C19orf85: variants seen among roughly 807,000 people sequenced by gnomAD.
The protein encoded by C19orf85 is chromosome 19 open reading frame 85, also known as uncharacterized protein C19orf85.
intron 1 of C19orf85, 43 bp downstream of exon 1, chr19:55,464,339 C>G (rs1986320476): frequency 2.5e-6 from 1 of 398,658 alleles, no homozygotes; most frequent in East Asian, 3.6e-5. Context: ...GCTCCTTCCC[C>G]TCTTCCCCGT....
At chr19:55,464,315 C>G in intron 1 of C19orf85, 67 bp downstream of exon 1, 1 of 398,444 alleles carries the variant, frequency 2.5e-6, no homozygotes, top group Non-Finnish European at 4.4e-6. Flanking sequence ...CTCCCCCAGC[C>G]AAGGGTGCTG....
At position 55,464,602 on chromosome 19, in the gene C19orf85, A is replaced by G. The variant is rs947371248; in HGVS notation, c.-48T>C. The G allele has an allele frequency of 7.5e-6, 3 of 397,816 alleles. No homozygotes were observed. The highest frequency in any genetic ancestry group is 1.3e-5 in the Non-Finnish European group (3 of 225,794). The allele number at this position is 397,816 out of a possible 1,614,324, so 24.6% of individuals were successfully genotyped here. ...TCCCCACAATATTGCTGACCAAAGC[A>G]CCCCCCAAATCTGTGAGCAGGGAGG... On this transcript the variant is annotated 5_prime_UTR_variant, in exon 1 of 2. Coordinates refer to ENST00000635964, the MANE Select transcript of C19orf85 (RefSeq NM_001386794.1).
chr19:55,464,507 G>A lies in C19orf85; in HGVS notation c.48C>T (p.Pro16=), dbSNP rs2123395802. ...PEGPGVSEPG[P]RELCAFVSGA... ...CGCTCACAAAGGCACACAGCTCCCG[G>A]GGGCCGGGCTCGGAGACCCCAGGGC... The change falls in exon 1 of 2, where the codon CCC becomes CCT. Residue 16 remains proline (P), a synonymous_variant. Coordinates refer to ENST00000635964, the MANE Select transcript of C19orf85 (RefSeq NM_001386794.1). 3 of 398,418 alleles carry A rather than the reference G, an allele frequency of 7.5e-6. No individual in the cohort carries two copies. The East Asian group carries it at 1.1e-4, about 14-fold the overall frequency. The allele number at this position is 398,418 out of a possible 1,614,324, so 24.7% of individuals were successfully genotyped here. A position where few individuals can be genotyped will look rare whatever the true frequency, so the allele number is the denominator to read the frequency against.
Position 55,464,715 on chromosome 19 carries a change from C to T in C19orf85, c.-161G>A, listed in dbSNP as rs564732300. On this transcript the variant is annotated 5_prime_UTR_variant, in exon 1 of 2. Transcript: ENST00000635964. ...CCAAGGCCTCCCCACTGTGCCCTAA[C>T]CCTGTCCCCACCTCCCAGGAGCCCG... 3.8e-4 allele frequency: 150 copies of T among 396,610 alleles called. No homozygotes were observed. Among genetic ancestry groups the T allele is most frequent in the Admixed American group, 2.7e-3 (61 of 22,684 alleles). The allele number at this position is 396,610 out of a possible 1,614,324, so 24.6% of individuals were successfully genotyped here. A position where few individuals can be genotyped will look rare whatever the true frequency, so the allele number is the denominator to read the frequency against.
chr19:55,463,952 A>G lies in C19orf85; in HGVS notation c.189T>C (p.Ile63=), dbSNP rs1400093367. Reference sequence around the variant, plus strand: ...GGGCCAGGCGCTGGGTGGCAGCCTCAATCTTGGTGAACTGCCTGTAAAGAC... The same window carrying G: ...GGGCCAGGCGCTGGGTGGCAGCCTCGATCTTGGTGAACTGCCTGTAAAGAC... ...HNQICRQFTK[I]EAATQRLALS... The change falls in exon 2 of 2, where the codon ATT becomes ATC. Residue 63 remains isoleucine (I), a synonymous_variant. Transcript: ENST00000635964. The surrounding 1 kb of genome is among the most constrained non-coding windows in gnomAD (Gnocchi z 4.9). 3 of 398,626 alleles carry G rather than the reference A, an allele frequency of 7.5e-6. No individual in the cohort carries two copies. The highest frequency in any genetic ancestry group is 1.3e-5 in the Non-Finnish European group (3 of 226,136). 24.7% of individuals were successfully genotyped at this position (398,626 alleles called of 1,614,324 possible). A position where few individuals can be genotyped will look rare whatever the true frequency, so the allele number is the denominator to read the frequency against.
Position 55,463,805 on chromosome 19 carries a change from G to A in C19orf85, c.336C>T (p.Ala112=), listed in dbSNP as rs973279435. The A allele has an allele frequency of 3.8e-5, 15 of 398,862 alleles. No homozygotes were observed. 24.7% of individuals were successfully genotyped at this position (398,862 alleles called of 1,614,324 possible). A position where few individuals can be genotyped will look rare whatever the true frequency, so the allele number is the denominator to read the frequency against. ...CAVAPTEAPH[A]SASLSLAALD... is the part of the protein sequence containing the mutation. ...GGGCAGCGAGACTCAGGCTGGCGCT[G>A]GCATGGGGAGCCTCAGTGGGGGCCA... The change falls in exon 2 of 2, where the codon GCC becomes GCT. Residue 112 remains alanine (A), a synonymous_variant. Coordinates refer to ENST00000635964, the MANE Select transcript of C19orf85 (RefSeq NM_001386794.1). This position sits in a 1 kb window ranked among gnomAD's most constrained non-coding sequence, Gnocchi z 4.9.
chr19:55,464,678 C>T lies in C19orf85; in HGVS notation c.-124G>A, dbSNP rs1986329689. On this transcript the variant is annotated 5_prime_UTR_variant, in exon 1 of 2. Coordinates refer to ENST00000635964, the MANE Select transcript of C19orf85 (RefSeq NM_001386794.1). ...ACCCCGGGCTGGGGAGGAGGCAGGG[C>T]TGGGAATTGGGCCAAGGCCTCCCCA... 1 of 397,018 alleles carries T rather than the reference C, an allele frequency of 2.5e-6. No homozygotes were observed. The highest frequency in any genetic ancestry group is 4.4e-6 in the Non-Finnish European group (1 of 225,546). The allele number at this position is 397,018 out of a possible 1,614,324, so 24.6% of individuals were successfully genotyped here. A position where few individuals can be genotyped will look rare whatever the true frequency, so the allele number is the denominator to read the frequency against.
At chr19:55,464,182 C>T (rs1004759492) in intron 1 of C19orf85, among the ~76,000 whole-genome samples, 200 bp downstream of exon 1, 5 of 152,192 alleles carry the variant, frequency 3.3e-5, no homozygotes, top group South Asian at 2.1e-4. Flanking sequence ...ACAACCTCCA[C>T]GACAGCAAGG....
Position 55,464,723 on chromosome 19 carries a change from C to G in C19orf85, c.-169G>C, listed in dbSNP as rs1336739433. The G allele has an allele frequency of 5.0e-6, 2 of 396,308 alleles. No homozygotes were observed. Among genetic ancestry groups the G allele is most frequent in the Admixed American group, 4.4e-5 (1 of 22,666 alleles). 24.5% of individuals were successfully genotyped at this position (396,308 alleles called of 1,614,324 possible). ...TCCCCACTGTGCCCTAACCCTGTCC[C>G]CACCTCCCAGGAGCCCGACCTGAAG... On this transcript the variant is annotated 5_prime_UTR_variant, in exon 1 of 2. Transcript: ENST00000635964.
Position 55,463,988 on chromosome 19 carries a change from A to T in C19orf85, c.174-21T>A. 2 of 398,236 alleles carry T rather than the reference A, an allele frequency of 5.0e-6. No individual in the cohort carries two copies. Among genetic ancestry groups the T allele is most frequent in the Non-Finnish European group, 8.8e-6 (2 of 226,156 alleles). 24.7% of individuals were successfully genotyped at this position (398,236 alleles called of 1,614,324 possible). Reference sequence around the variant, plus strand: ...ACTGCCTGTAAAGACAGATGTGAGCAGGCTGGTCTCTAACGCCTGAACTCA... The same window carrying T: ...ACTGCCTGTAAAGACAGATGTGAGCTGGCTGGTCTCTAACGCCTGAACTCA... On this transcript the variant is annotated intron_variant, in intron 1 of 1. Transcript: ENST00000635964. The surrounding 1 kb of genome is among the most constrained non-coding windows in gnomAD (Gnocchi z 4.9).
chr19:55,464,143 T>C (rs1986317347), intron 1 of C19orf85, among the ~76,000 whole-genome samples, 176 bp from the exon 2 acceptor site: 2 of 152,172 alleles, frequency 1.3e-5, no homozygotes, highest in South Asian at 2.1e-4. Context: ...TTTTGGTGAT[T>C]CCTGACCGTC....
chr19:55,463,455 C>T lies in C19orf85; in HGVS notation c.*17G>A, dbSNP rs1039234086. The T allele has an allele frequency of 2.5e-5, 10 of 398,252 alleles. No individual in the cohort carries two copies. The highest frequency in any genetic ancestry group is 8.8e-5 in the Admixed American group (2 of 22,672). 24.7% of individuals were successfully genotyped at this position (398,252 alleles called of 1,614,324 possible). On this transcript the variant is annotated 3_prime_UTR_variant, in exon 2 of 2. Transcript: ENST00000635964. This position sits in a 1 kb window ranked among gnomAD's most constrained non-coding sequence, Gnocchi z 4.9. ...CCTCTGGCTTGTCCTGGGTTCTGGGCTGGGTTGTGATTGGCCTCATGGGGA... is the reference window on the plus strand; with the variant it reads ...CCTCTGGCTTGTCCTGGGTTCTGGGTTGGGTTGTGATTGGCCTCATGGGGA...
chr19:55,463,673 C>T lies in C19orf85; in HGVS notation c.468G>A (p.Pro156=), dbSNP rs900750776. Residue 156 remains proline, a synonymous_variant, in exon 2 of 2, where the codon CCG becomes CCA. Transcript: ENST00000635964. The surrounding 1 kb of genome is among the most constrained non-coding windows in gnomAD (Gnocchi z 4.9). The part of the protein sequence containing the change: ...SSGSDAPLPA[P]GLSHRDLGQL... ...GGCCCAGGTCGCGATGGGACAGACC[C>T]GGCGCTGGCAGGGGAGCATCAGAAC... 9 of 398,680 alleles carry T rather than the reference C, an allele frequency of 2.3e-5. No individual in the cohort carries two copies. The highest frequency in any genetic ancestry group is 1.3e-4 in the Admixed American group (3 of 22,704). 24.7% of individuals were successfully genotyped at this position (398,680 alleles called of 1,614,324 possible).
In C19orf85 at chr19:55,463,477, G is replaced by A. The variant is rs917324669; in HGVS notation, c.664C>T (p.Pro222Ser). The A allele has an allele frequency of 2.5e-5, 10 of 398,386 alleles. No individual in the cohort carries two copies. In the Admixed American group the frequency reaches 3.5e-4, roughly 14 times the overall value. 24.7% of individuals were successfully genotyped at this position (398,386 alleles called of 1,614,324 possible). The change falls in exon 2 of 2, where the codon CCA becomes TCA. Residue 222 changes from proline to serine, a missense_variant. Transcript: ENST00000635964. The surrounding 1 kb of genome is among the most constrained non-coding windows in gnomAD (Gnocchi z 4.9). ...GIPEGWGTSSP is the reference protein window; with the variant it reads ...GIPEGWGTSSS ...GGGCTGGGTTGTGATTGGCCTCATG[G>A]GGAGCTGGTCCCCCAACCCTCGGGG...
chr19:55,463,630 C>G lies in C19orf85; in HGVS notation c.511G>C (p.Val171Leu), dbSNP rs1986304829. The G allele has an allele frequency of 2.5e-6, 1 of 398,562 alleles. No homozygotes were observed. The highest frequency in any genetic ancestry group is 1.3e-4 in the South Asian group (1 of 7,864). The allele number at this position is 398,562 out of a possible 1,614,324, so 24.7% of individuals were successfully genotyped here. A position where few individuals can be genotyped will look rare whatever the true frequency, so the allele number is the denominator to read the frequency against. Reference protein sequence around the residue: ...RDLGQLDLRQVPHFCGPLPLP... With the variant: ...RDLGQLDLRQLPHFCGPLPLP... The stretch of plus-strand genomic sequence containing the variant: ...GGCAGGGGGCCGCAGAAATGTGGGA[C>G]CTGCCTCAGGTCCAGCTGGCCCAGG... Residue 171 changes from valine to leucine, a missense_variant, in exon 2 of 2, where the codon GTC becomes CTC. Val to Leu is a conservative substitution (Grantham distance 32). Transcript: ENST00000635964. The surrounding 1 kb of genome is among the most constrained non-coding windows in gnomAD (Gnocchi z 4.9).
In C19orf85 at chr19:55,463,072, T is replaced by A; in HGVS notation, c.*400A>T. ...CATGCACACAGAACAGGGAGCTCCC[T>A]GAGGCAGGGGTCCCGTCTGCCTCGT... On this transcript the variant is annotated 3_prime_UTR_variant, in exon 2 of 2. Transcript: ENST00000635964. This position sits in a 1 kb window ranked among gnomAD's most constrained non-coding sequence, Gnocchi z 4.9. 5.1e-6 allele frequency: 1 copy of A among 195,624 alleles called. No homozygotes were observed. Among genetic ancestry groups the A allele is most frequent in the Non-Finnish European group, 1.0e-5 (1 of 97,454 alleles). The allele number at this position is 195,624 out of a possible 1,614,324, so 12.1% of individuals were successfully genotyped here. A position where few individuals can be genotyped will look rare whatever the true frequency, so the allele number is the denominator to read the frequency against.
Position 55,463,768 on chromosome 19 carries a change from T to C in C19orf85, c.373A>G (p.Thr125Ala), listed in dbSNP as rs1040459679. The change falls in exon 2 of 2, where the codon ACC becomes GCC. Residue 125 changes from threonine to alanine, a missense_variant. Physicochemically the swap from Thr to Ala is moderately conservative, Grantham distance 58. Transcript: ENST00000635964. This position sits in a 1 kb window ranked among gnomAD's most constrained non-coding sequence, Gnocchi z 4.9. The part of the protein sequence containing the change: ...SLSLAALDTS[T>A]LDLFDNIALT... ...GCAATGTTGTCAAAGAGGTCGAGGG[T>C]AGAGGTGTCCAGGGCAGCGAGACTC... 3 of 398,398 alleles carry C rather than the reference T, an allele frequency of 7.5e-6. No homozygotes were observed. The highest frequency in any genetic ancestry group is 6.2e-5 in the African/African-American group (3 of 48,458). The allele number at this position is 398,398 out of a possible 1,614,324, so 24.7% of individuals were successfully genotyped here.
In C19orf85 at chr19:55,464,528, AG is replaced by A. The variant is rs1427338968; in HGVS notation, c.26del (p.Pro9LeufsTer15). 7.3e-5 allele frequency: 29 copies of A among 398,244 alleles called. No homozygotes were observed. In the Admixed American group the frequency reaches 1.3e-3, roughly 18 times the overall value. The allele number at this position is 398,244 out of a possible 1,614,324, so 24.7% of individuals were successfully genotyped here. MHPGVPEG[P>X]GVSEPGPREL... Reference sequence around the variant, plus strand: ...CCCGGGGGCCGGGCTCGGAGACCCCAGGGCCTTCGGGGACCCCGGGGTGCAT... The same window carrying A: ...CCCGGGGGCCGGGCTCGGAGACCCCAGGCCTTCGGGGACCCCGGGGTGCAT... On this transcript the variant is annotated frameshift_variant, in exon 1 of 2. Coordinates refer to ENST00000635964, the MANE Select transcript of C19orf85 (RefSeq NM_001386794.1). LOFTEE classifies it high-confidence loss of function.
At chr19:55,464,230 A>G (rs967238625) in intron 1 of C19orf85, among the ~76,000 whole-genome samples, 152 bp downstream of exon 1, 3 of 152,210 alleles carry the variant, frequency 2.0e-5, no homozygotes, top group African/African-American at 7.2e-5. Context: ...GGCACACAGT[A>G]GGCACTCAAT....
Sources: allele counts gnomAD v4.1 joint callset (sites outside exome capture counted in the v4.1 genomes callset), GRCh38; gene constraint gnomAD v4.1.1; non-coding constraint Gnocchi (gnomAD v3.1); transcripts MANE v1.5; gene names NCBI Gene and HGNC (gene_info 2026-07-23, HGNC 2026-07-21).